ABR: variants seen among roughly 807,000 people sequenced by gnomAD.
The protein encoded by ABR is ABR activator of RhoGEF and GTPase.
A neutral mutation model predicts 107.2 loss-of-function variants in ABR; 35 were observed. The observed-to-expected ratio is 0.33, with a 90% CI of 0.25 to 0.43. The LOEUF (loss-of-function observed/expected upper bound fraction) is 0.43. Ranked by LOEUF, ABR falls within the 20% of genes least tolerant of loss-of-function variation. The pLI is 1.00. For synonymous variants in ABR, 498 were observed against 462.0 expected, an observed-to-expected ratio of 1.08 and a Z score of -1.00; for missense variants, 815 against 1,115.2, an observed-to-expected ratio of 0.73 and a Z score of 3.83.
intron 16 of ABR, among the ~76,000 whole-genome samples, chr17:1,015,961 C>T (rs1289187925): frequency 6.6e-6 from 1 of 152,100 alleles, no homozygotes; most frequent in Non-Finnish European, 1.5e-5. Flanking sequence ...GGCTCCCAGC[C>T]ACAGGACCAC....
Position 1,070,983 on chromosome 17 carries a change from C to T in ABR, c.895-893G>A, listed in dbSNP as rs193089969. ...TTTGAGACCAGCCTGGCCAACGTGG[C>T]GAAACCCCGTCTCTACTAAAAATAC... On this transcript the variant is annotated intron_variant, in intron 8 of 22. Coordinates refer to ENST00000302538, the MANE Select transcript of ABR (RefSeq NM_021962.5). This position sits in a 1 kb window ranked among gnomAD's most constrained non-coding sequence, Gnocchi z 4.2. Among the ~76,000 whole-genome samples, 835 of 152,112 alleles carry T rather than the reference C, an allele frequency of 5.5e-3. 12 individuals are homozygous for T. The highest frequency in any genetic ancestry group is 0.019 in the African/African-American group (793 of 41,486).
chr17:1,218,061 T>C (rs1479614685), intron 1 of ABR, among the ~76,000 whole-genome samples: 1 of 152,176 alleles, frequency 6.6e-6, no homozygotes, highest in Non-Finnish European at 1.5e-5. Context: ...AACTCCTGAC[T>C]TCAAGTAATC....
chr17:1,057,570 G>A (rs2033460456), intron 12 of ABR, among the ~76,000 whole-genome samples: 1 of 151,676 alleles, frequency 6.6e-6, no homozygotes, highest in African/African-American at 2.4e-5. Context: ...TAGAGACGGG[G>A]TTTCACCACG....
intron 1 of ABR, among the ~76,000 whole-genome samples, chr17:1,220,721 C>T (rs940367992): frequency 8.5e-5 from 13 of 152,174 alleles, no homozygotes; most frequent in Admixed American, 3.3e-4. Flanking sequence ...AAGCTAAAAA[C>T]GAACCTTACA....
chr17:1,125,169 G>T lies in ABR; in HGVS notation c.246+14C>A. On this transcript the variant is annotated intron_variant, in intron 2 of 22. Coordinates refer to ENST00000302538, the MANE Select transcript of ABR (RefSeq NM_021962.5). Reference sequence around the variant, plus strand: ...CCCCTCCCCAAACCCAGAAAGAAAAGCCGGTGTACCTACCCCAGGAGCCAG... The same window carrying T: ...CCCCTCCCCAAACCCAGAAAGAAAATCCGGTGTACCTACCCCAGGAGCCAG... 6.4e-7 allele frequency: 1 copy of T among 1,552,602 alleles called. No individual in the cohort carries two copies. Among genetic ancestry groups the T allele is most frequent in the Non-Finnish European group, 8.7e-7 (1 of 1,149,420 alleles).
rs528805374 is a variant in ABR, at chr17:1,010,113, G to A, written c.2237-329C>T. The A allele has an allele frequency of 2.7e-5, 11 of 403,110 alleles. No individual in the cohort carries two copies. In the South Asian group the frequency reaches 3.6e-4, roughly 13 times the overall value. 25.0% of individuals were successfully genotyped at this position (403,110 alleles called of 1,614,324 possible). A position where few individuals can be genotyped will look rare whatever the true frequency, so the allele number is the denominator to read the frequency against. ...GGTCTGTGTGGCTAAGGTTAAGCCA[G>A]TAGGGACATATCCTGCCAGCGGTGG... On this transcript the variant is annotated intron_variant, in intron 20 of 22. Transcript: ENST00000302538. This position sits in a 1 kb window ranked among gnomAD's most constrained non-coding sequence, Gnocchi z 4.1.
chr17:1,226,039 G>A (rs914604190), intron 1 of ABR, among the ~76,000 whole-genome samples: 7 of 152,154 alleles, frequency 4.6e-5, no homozygotes, highest in Admixed American at 2.0e-4. Flanking sequence ...AATACTCGCC[G>A]TGTCCAATGC....
intron 10 of ABR, among the ~76,000 whole-genome samples, chr17:1,061,297 C>T (rs2033896313): frequency 1.3e-5 from 2 of 152,162 alleles, no homozygotes. Context: ...ACGCAGGATG[C>T]TCCTGGGCGG....
chr17:1,116,897 C>T (rs1334537174), intron 2 of ABR, among the ~76,000 whole-genome samples: 2 of 151,982 alleles, frequency 1.3e-5, no homozygotes, highest in South Asian at 2.1e-4. Context: ...TGCTGGGGGG[C>T]GGAGGCTGAA....
At chr17:1,201,781 A>G (rs940079024) in intron 1 of ABR, among the ~76,000 whole-genome samples, 3 of 151,858 alleles carry the variant, frequency 2.0e-5, no homozygotes, top group South Asian at 2.1e-4. Context: ...CGTTCACGCC[A>G]TTCTCCTGCC....
chr17:1,147,890 TG>T (rs1382582787), intron 1 of ABR, among the ~76,000 whole-genome samples: 2 of 152,166 alleles, frequency 1.3e-5, no homozygotes, highest in Non-Finnish European at 2.9e-5. Context: ...CACCCTCTTC[TG>T]GGGAAAGACG....
In ABR at chr17:1,141,440, G is replaced by C. The variant is rs74475811; in HGVS notation, c.62-16073C>G. 7.0e-3 allele frequency among the ~76,000 whole-genome samples: 1,066 copies of C among 152,302 alleles called. 41 individuals carry two copies. The East Asian group carries it at 0.11, about 15-fold the overall frequency. On this transcript the variant is annotated intron_variant, in intron 1 of 22. Coordinates refer to ENST00000302538, the MANE Select transcript of ABR (RefSeq NM_021962.5). The stretch of plus-strand genomic sequence containing the variant: ...CTTGGGCAAGCTACTTAGCCATTCA[G>C]AGCCTCAGTTTTCTCATCTCTAAAA...
chr17:1,216,475 T>C (rs914796097), intron 1 of ABR, among the ~76,000 whole-genome samples: 1 of 152,206 alleles, frequency 6.6e-6, no homozygotes, highest in African/African-American at 2.4e-5. Context: ...GCTGACGCCA[T>C]TGGCAAAATC....
rs778881596 is a variant in ABR at position 1,050,107 on chromosome 17, C to CAAG, written c.1733_1734insCTT (p.Lys578delinsAsnLeu). ...CGATCTCATTGTTGTCCTTGTTGAC[C>CAAG]TTGGTCTTGTCATAGCACTTCTCAT... On this transcript the variant is annotated protein_altering_variant, in exon 16 of 23. Coordinates refer to ENST00000302538, the MANE Select transcript of ABR (RefSeq NM_021962.5). The surrounding 1 kb of genome is among the most constrained non-coding windows in gnomAD (Gnocchi z 4.6). The CAAG allele has an allele frequency of 1.2e-6, 2 of 1,614,124 alleles. No homozygotes were observed. The highest frequency in any genetic ancestry group is 2.2e-5 in the South Asian group (2 of 91,084).
At chr17:1,031,526 CCCCCGCAG>C (rs1475006097) in intron 16 of ABR, 6,966 of 302,578 alleles carry the variant, frequency 0.023, 217 homozygotes, top group Admixed American at 0.034. Context: ...GCCCCCGCAG[CCCCCGCAG>C]CCCCCCGAGC....
intron 8 of ABR, 137 bp downstream of exon 8, chr17:1,072,477 G>C (rs1567701631): frequency 2.5e-6 from 1 of 404,432 alleles, no homozygotes; most frequent in Non-Finnish European, 4.2e-6. Flanking sequence ...CCGTGTGTGA[G>C]AGAAGGGGAC....
chr17:1,110,735 G>A (rs1242076327), intron 2 of ABR, among the ~76,000 whole-genome samples: 2 of 152,184 alleles, frequency 1.3e-5, no homozygotes, highest in Non-Finnish European at 2.9e-5. Flanking sequence ...CTGAAATACA[G>A]AGCAGGGGAT....
intron 1 of ABR, among the ~76,000 whole-genome samples, chr17:1,164,762 G>A (rs984669260): frequency 2.0e-5 from 3 of 152,042 alleles, no homozygotes; most frequent in Admixed American, 2.0e-4. Context: ...GACTTCCCCA[G>A]CTCAAGCCAT....
rs1008503724 is a variant in ABR, at chr17:1,125,317, T to C, written c.112A>G (p.Lys38Glu). 5.0e-6 allele frequency: 8 copies of C among 1,613,908 alleles called. No homozygotes were observed. Among genetic ancestry groups the C allele is most frequent in the Non-Finnish European group, 6.8e-6 (8 of 1,179,934 alleles). The change falls in exon 2 of 23, where the codon AAG becomes GAG. Residue 38 changes from lysine to glutamate, a missense_variant. By Grantham distance (56) the Lys-to-Glu change is moderately conservative (BLOSUM62 1). Coordinates refer to ENST00000302538, the MANE Select transcript of ABR (RefSeq NM_021962.5). ...EYDGEGNEEQKGPPEGSETMP... is the reference protein window; with the variant it reads ...EYDGEGNEEQEGPPEGSETMP... ...GTCTCTGAGCCCTCCGGGGGCCCCTTCTGCTCCTCATTCCCCTCTCCGTCG... is the reference window on the plus strand; with the variant it reads ...GTCTCTGAGCCCTCCGGGGGCCCCTCCTGCTCCTCATTCCCCTCTCCGTCG...
Sources: gnomAD v4.1 joint callset for allele counts (sites outside exome capture counted in the v4.1 genomes callset) on GRCh38, gnomAD v4.1.1 for gene constraint, Gnocchi (gnomAD v3.1) non-coding constraint, MANE v1.5 for transcripts, NCBI Gene and HGNC (gene_info 2026-07-23, HGNC 2026-07-21) for gene names.